TBC1D1: variants seen among roughly 807,000 people sequenced by gnomAD.
The protein encoded by TBC1D1 is TBC1 domain family member 1.
Under a neutral mutation model 125.6 loss-of-function variants are expected in TBC1D1, and 89 were observed. That is an observed-to-expected ratio of 0.71 (90% CI 0.60 to 0.85). The LOEUF (loss-of-function observed/expected upper bound fraction) is 0.85, where lower values mean the gene tolerates loss of function less well. Ranked by LOEUF, TBC1D1 falls within the 40% of genes least tolerant of loss-of-function variation. TBC1D1 has a pLI of 0.00. For missense variants in TBC1D1, 1,377 were observed against 1,469.2 expected (o/e 0.94, Z 1.03); for synonymous variants, 565 against 564.1 (o/e 1.00, Z -0.02).
chr4:38,004,625 C>A (rs557756990), intron 2 of TBC1D1, among the ~76,000 whole-genome samples: 10 of 151,982 alleles, frequency 6.6e-5, no homozygotes, highest in South Asian at 4.2e-4. Flanking sequence ...TGAAATATGC[C>A]CTCGATGATA....
At chr4:38,047,393 T>C (rs1368012123) in intron 10 of TBC1D1, among the ~76,000 whole-genome samples, 1 of 152,160 alleles carries the variant, frequency 6.6e-6, no homozygotes, top group Non-Finnish European at 1.5e-5. Flanking sequence ...ATGCTGCTGC[T>C]CCTGGTCTGC....
intron 2 of TBC1D1, among the ~76,000 whole-genome samples, chr4:37,997,623 A>G (rs1738094344): frequency 6.6e-6 from 1 of 152,240 alleles, no homozygotes; most frequent in South Asian, 2.1e-4. Context: ...TATATGAAAA[A>G]TAACATACTG....
chr4:37,921,749 G>C (rs1393365925), intron 2 of TBC1D1, among the ~76,000 whole-genome samples: 4 of 151,474 alleles, frequency 2.6e-5, no homozygotes, highest in Admixed American at 1.3e-4. Flanking sequence ...CTGTTTTTTG[G>C]GGGCTAGGGT....
chr4:38,005,732 G>T (rs920125477), intron 2 of TBC1D1, among the ~76,000 whole-genome samples: 1 of 152,184 alleles, frequency 6.6e-6, no homozygotes, highest in Admixed American at 6.5e-5. Flanking sequence ...CATTGAGGCA[G>T]ATTCTGTTTA....
At chr4:38,055,943 G>C (rs545473814) in intron 12 of TBC1D1, among the ~76,000 whole-genome samples, 28 of 152,332 alleles carry the variant, frequency 1.8e-4, no homozygotes, top group African/African-American at 6.3e-4. Context: ...TTAATAAAGA[G>C]TGCCTCGGTG....
intron 12 of TBC1D1, among the ~76,000 whole-genome samples, chr4:38,062,265 CTTG>C (rs1230478699): frequency 2.7e-5 from 4 of 150,286 alleles, no homozygotes; most frequent in African/African-American, 7.3e-5. Flanking sequence ...GAAAAGTGTG[CTTG>C]TTTTTTTTTT....
At chr4:38,118,296 T>TA (rs1194708365) in intron 17 of TBC1D1, 104 bp downstream of exon 19, 10 of 1,349,650 alleles carry the variant, frequency 7.4e-6, no homozygotes, top group Non-Finnish European at 9.3e-6. Context: ...CTGTAGCTCT[T>TA]ACCAGAACAG....
chr4:37,920,831 C>T (rs955973108), intron 2 of TBC1D1, among the ~76,000 whole-genome samples: 6 of 152,096 alleles, frequency 3.9e-5, no homozygotes, highest in Admixed American at 1.3e-4. Flanking sequence ...GACAAAGGGG[C>T]CGGGCGCGGT....
intron 2 of TBC1D1, among the ~76,000 whole-genome samples, chr4:37,966,369 T>C (rs1238054952): frequency 1.3e-5 from 2 of 152,232 alleles, no homozygotes; most frequent in Non-Finnish European, 1.5e-5. Flanking sequence ...CTGTCCTGTT[T>C]GGAAAATTCC....
intron 18 of TBC1D1, among the ~76,000 whole-genome samples, chr4:38,127,273 G>A (rs1378715758): frequency 6.6e-6 from 1 of 152,172 alleles, no homozygotes; most frequent in Non-Finnish European, 1.5e-5. Flanking sequence ...TTCAGTGCTG[G>A]AAGAGTGGAA....
intron 2 of TBC1D1, among the ~76,000 whole-genome samples, chr4:38,007,941 G>A (rs3909601): frequency 0.95 from 144,249 of 152,326 alleles, 68,420 homozygotes; most frequent in East Asian, 1. Flanking sequence ...CTGGCTGCCC[G>A]TTAGAACAGC....
chr4:38,016,245 C>T (rs1049101501), intron 3 of TBC1D1, among the ~76,000 whole-genome samples: 1 of 152,184 alleles, frequency 6.6e-6, no homozygotes, highest in Non-Finnish European at 1.5e-5. Flanking sequence ...GGAAAGGCTT[C>T]TTTGAGAAAG....
chr4:37,918,160 T>G (rs996098651), intron 2 of TBC1D1, among the ~76,000 whole-genome samples: 5 of 152,234 alleles, frequency 3.3e-5, no homozygotes, highest in Non-Finnish European at 7.3e-5. Context: ...TCTCAAAGCT[T>G]GATTTATAAC....
chr4:38,079,707 A>G (rs953543529), intron 12 of TBC1D1, among the ~76,000 whole-genome samples: 2 of 151,530 alleles, frequency 1.3e-5, no homozygotes, highest in Non-Finnish European at 2.9e-5. Context: ...CAGCCTGGGC[A>G]ACAAGAGCGA....
intron 1 of TBC1D1, among the ~76,000 whole-genome samples, chr4:37,897,412 T>C (rs758529130): frequency 2.6e-5 from 4 of 152,346 alleles, no homozygotes; most frequent in Non-Finnish European, 5.9e-5. Context: ...TAATTATGGC[T>C]ATGTTGGATG....
chr4:38,118,199 A>G lies in TBC1D1; in HGVS notation c.2962+7A>G, dbSNP rs765040000. Reference sequence around the variant, plus strand: ...TTCGTAGCCAGAGTCTTTGGTGAGCATTAGTAAATCTGTTTGCCAGAACCA... The same window carrying G: ...TTCGTAGCCAGAGTCTTTGGTGAGCGTTAGTAAATCTGTTTGCCAGAACCA... On this transcript the variant is annotated splice_region_variant and intron_variant, in intron 17 of 19. Transcript: ENST00000261439. The G allele has an allele frequency of 1.9e-6, 3 of 1,614,046 alleles. No homozygotes were observed. Among genetic ancestry groups the G allele is most frequent in the East Asian group, 2.2e-5 (1 of 44,876 alleles).
rs149212542 is a variant in TBC1D1, at chr4:38,044,961, C to T, written c.1542+471C>T. Among the ~76,000 whole-genome samples, 94 of 152,346 alleles carry T rather than the reference C, an allele frequency of 6.2e-4. No homozygotes were observed. In the East Asian group the frequency reaches 0.018, roughly 29 times the overall value. The stretch of plus-strand genomic sequence containing the variant: ...ATAAAGTTTTGTTGAAACACCGCCA[C>T]ATCCATTCATTTTCCAGTTATCTAA... On this transcript the variant is annotated intron_variant, in intron 9 of 19. Coordinates refer to ENST00000261439, the MANE Select transcript of TBC1D1 (RefSeq NM_015173.4).
intron 15 of TBC1D1, among the ~76,000 whole-genome samples, chr4:38,105,444 A>G (rs1407817690): frequency 2.0e-5 from 3 of 152,098 alleles, no homozygotes; most frequent in Non-Finnish European, 2.9e-5. Context: ...TTTTTTTTCA[A>G]CTTTTATTTT....
At chr4:38,010,876 C>T (rs1454771789) in intron 2 of TBC1D1, among the ~76,000 whole-genome samples, 1 of 152,216 alleles carries the variant, frequency 6.6e-6, no homozygotes, top group Admixed American at 6.5e-5. Context: ...CATTTACATT[C>T]ATCTTATATT....
Sources: allele counts gnomAD v4.1 joint callset (sites outside exome capture counted in the v4.1 genomes callset), GRCh38; gene constraint gnomAD v4.1.1; transcripts MANE v1.5; gene names NCBI Gene and HGNC (gene_info 2026-07-23, HGNC 2026-07-21).